The following NEBL variants were observed in gnomAD, a reference collection of about 807,000 sequenced individuals.
The protein encoded by NEBL is nebulette, also known as LIM and SH3 protein 2.
In NEBL, 122 loss-of-function variants were observed where a neutral mutation model predicts 140.2. The ratio of observed to expected loss-of-function variants is 0.87; its 90% CI spans 0.75 to 1.01. The LOEUF is 1.01. Ranked by LOEUF, NEBL falls within the 50% of genes least tolerant of loss-of-function variation. The probability of loss-of-function intolerance (pLI) is 0.00; values close to 1 mark genes in which losing one functional copy is unlikely to be tolerated. For missense variants in NEBL, 1,365 were observed against 1,231.3 expected (o/e 1.11, Z -1.62); for synonymous variants, 436 against 398.9 (o/e 1.09, Z -1.11).
At chr10:20,965,218 G>A (rs1043071224) in intron 3 of NEBL, among the ~76,000 whole-genome samples, 15 of 152,188 alleles carry the variant, frequency 9.9e-5, no homozygotes, top group African/African-American at 3.6e-4. Flanking sequence ...CCTTCATGGG[G>A]CTTATGTTAA....
At chr10:21,006,480 C>G in intron 3 of NEBL, among the ~76,000 whole-genome samples, 1 of 151,782 alleles carries the variant, frequency 6.6e-6, no homozygotes, top group Non-Finnish European at 1.5e-5. Context: ...GACAATGCCA[C>G]CACTCTCCGT....
chr10:21,173,944 C>T lies in NEBL; in HGVS notation c.-111G>A. The T allele has an allele frequency of 2.2e-6, 3 of 1,385,770 alleles. No individual in the cohort carries two copies. Among genetic ancestry groups the T allele is most frequent in the Admixed American group, 3.7e-5 (1 of 27,376 alleles). The allele number at this position is 1,385,770 out of a possible 1,614,324, so 85.8% of individuals were successfully genotyped here. ...TCCTGGCAGGCGGGAGGGCTGCGGG[C>T]GGCGGGCGCCGGGTAGGGAGTCGGC... On this transcript the variant is annotated 5_prime_UTR_variant, in exon 1 of 7. Coordinates refer to the NEBL transcript ENST00000417816. The surrounding 1 kb of genome is among the most constrained non-coding windows in gnomAD (Gnocchi z 5.7).
At chr10:20,899,216 T>A (rs905327165), upstream of NEBL, among the ~76,000 whole-genome samples, 2 of 152,250 alleles carry the variant, frequency 1.3e-5, no homozygotes, top group African/African-American at 4.8e-5. Context: ...TATCTTTATT[T>A]GGAAATAGGG....
At chr10:20,962,856 T>C (rs1359946288) in intron 3 of NEBL, among the ~76,000 whole-genome samples, 3 of 152,184 alleles carry the variant, frequency 2.0e-5, no homozygotes, top group Non-Finnish European at 4.4e-5. Flanking sequence ...TGTAGTCTTC[T>C]GCAGAAGGTA....
At chr10:20,875,117 ATTTC>A (rs1285690070) in intron 5 of NEBL, among the ~76,000 whole-genome samples, 1 of 152,012 alleles carries the variant, frequency 6.6e-6, no homozygotes, top group Non-Finnish European at 1.5e-5. Flanking sequence ...CTGTCTCTGA[ATTTC>A]TTTATCTCGC....
intron 5 of NEBL, among the ~76,000 whole-genome samples, chr10:20,876,681 C>T (rs1352243803): frequency 6.6e-6 from 1 of 152,150 alleles, no homozygotes; most frequent in East Asian, 1.9e-4. Context: ...CTTACCACTC[C>T]AATTTCATCA....
At chr10:20,988,969 G>T (rs1445807311) in intron 3 of NEBL, among the ~76,000 whole-genome samples, 1 of 152,202 alleles carries the variant, frequency 6.6e-6, no homozygotes, top group Non-Finnish European at 1.5e-5. Context: ...ATACATATTT[G>T]CTGAATGAAT....
chr10:21,250,044 C>A (rs1297168885), intron 2 of NEBL, among the ~76,000 whole-genome samples: 1 of 151,672 alleles, frequency 6.6e-6, no homozygotes, highest in African/African-American at 2.4e-5. Flanking sequence ...AGCCTGGTGA[C>A]AGAGCAAAAC....
chr10:20,848,630 A>G (rs1842186109), intron 11 of NEBL, among the ~76,000 whole-genome samples: 1 of 150,992 alleles, frequency 6.6e-6, no homozygotes, highest in Non-Finnish European at 1.5e-5. Flanking sequence ...TGAACTGTGC[A>G]TGCAAGGGAT....
At chr10:20,953,503 C>T (rs1489974200) in intron 4 of NEBL, among the ~76,000 whole-genome samples, 1 of 129,206 alleles carries the variant, frequency 7.7e-6, no homozygotes, top group Non-Finnish European at 1.6e-5. Context: ...AAGACAAGCC[C>T]TAATTTTTTT....
intron 3 of NEBL, among the ~76,000 whole-genome samples, chr10:21,182,601 A>C (rs1199496635): frequency 1.3e-5 from 2 of 152,266 alleles, no homozygotes; most frequent in Non-Finnish European, 2.9e-5. Flanking sequence ...TGATGTCCTC[A>C]GAAGAAAGCT....
At position 20,780,999 on chromosome 10, in the gene NEBL, T is replaced by C. The variant is rs777434285; in HGVS notation, c.*4748A>G. ...TGTGTCATTTCAATGCTGTTGTACA[T>C]TATGCAGGGGAAATAATGTCTTATT... On this transcript the variant is annotated 3_prime_UTR_variant, in exon 28 of 28. Coordinates refer to ENST00000377122, the MANE Select transcript of NEBL (RefSeq NM_006393.3). 6.6e-6 allele frequency: 1 copy of C among 152,282 alleles called. No homozygotes were observed. Among genetic ancestry groups the C allele is most frequent in the Non-Finnish European group, 1.5e-5 (1 of 68,038 alleles). The allele number at this position is 152,282 out of a possible 1,614,324, so 9.4% of individuals were successfully genotyped here.
At chr10:21,099,336 T>G (rs1331134119) in intron 2 of NEBL, among the ~76,000 whole-genome samples, 1 of 152,070 alleles carries the variant, frequency 6.6e-6, no homozygotes, top group African/African-American at 2.4e-5. Flanking sequence ...TCAGCTTGCT[T>G]CCCTCCTCTC....
intron 2 of NEBL, among the ~76,000 whole-genome samples, chr10:21,125,575 A>G (rs1439197284): frequency 6.6e-6 from 1 of 152,206 alleles, no homozygotes; most frequent in East Asian, 1.9e-4. Flanking sequence ...TCACTGTAGA[A>G]AAACAAAGGT....
chr10:21,173,687 C>G lies in NEBL; in HGVS notation c.69+78G>C. On this transcript the variant is annotated intron_variant, in intron 1 of 6. Transcript: ENST00000417816. The surrounding 1 kb of genome is among the most constrained non-coding windows in gnomAD (Gnocchi z 5.7). ...ACCGACCCACTCATTGCTTTCCATC[C>G]CAGGTGCCAAAACTTCTCGAAGCAG... is the stretch of plus-strand genomic sequence containing the variant. 6.2e-7 allele frequency: 1 copy of G among 1,605,438 alleles called. No homozygotes were observed. Among genetic ancestry groups the G allele is most frequent in the Non-Finnish European group, 8.5e-7 (1 of 1,178,718 alleles).
chr10:20,791,382 A>G lies in NEBL; in HGVS notation c.2762-4074T>C, dbSNP rs144180595. ...ATCATAAAAGAGAAGATGAAAAGGG[A>G]GGAAGAAAAGTTTTGTTTTTTTGTT... On this transcript the variant is annotated intron_variant, in intron 26 of 27. Coordinates refer to ENST00000377122, the MANE Select transcript of NEBL (RefSeq NM_006393.3). Among the ~76,000 whole-genome samples the G allele has an allele frequency of 1.1e-3, 166 of 152,202 alleles. 1 individual carries two copies. In the East Asian group the frequency reaches 0.031, roughly 28 times the overall value.
At chr10:21,129,307 A>G (rs1295858022) in intron 2 of NEBL, among the ~76,000 whole-genome samples, 1 of 151,858 alleles carries the variant, frequency 6.6e-6, no homozygotes, top group Non-Finnish European at 1.5e-5. Flanking sequence ...AATAAAAAAT[A>G]AAATATTGCC....
intron 3 of NEBL, among the ~76,000 whole-genome samples, chr10:21,188,626 G>A (rs1485256187): frequency 7.1e-6 from 1 of 140,820 alleles, no homozygotes; most frequent in Non-Finnish European, 1.5e-5. Context: ...TTGAGACAGA[G>A]TCTCGCTGTT....
intron 1 of NEBL, among the ~76,000 whole-genome samples, chr10:21,291,504 TAA>T (rs747203288): frequency 1.3e-4 from 15 of 116,500 alleles, no homozygotes; most frequent in African/African-American, 1.3e-4. Flanking sequence ...AGACTCTGTC[TAA>T]AAAAAAAAAA....
Sources: allele counts gnomAD v4.1 joint callset (sites outside exome capture counted in the v4.1 genomes callset), GRCh38; gene constraint gnomAD v4.1.1; non-coding constraint Gnocchi (gnomAD v3.1); transcripts MANE v1.5; gene names NCBI Gene and HGNC (gene_info 2026-07-23, HGNC 2026-07-21).